Variants in PPP4R2 observed in about 807,000 individuals in gnomAD.
The protein encoded by PPP4R2 is serine/threonine-protein phosphatase 4 regulatory subunit 2.
Under a neutral mutation model 47.2 loss-of-function variants are expected in PPP4R2, and 13 were observed. The ratio of observed to expected loss-of-function variants is 0.28; its 90% CI spans 0.18 to 0.44. PPP4R2 has a LOEUF of 0.44. PPP4R2 is among the 20% of genes least tolerant of loss of function. PPP4R2 has a pLI of 1.00. For missense variants in PPP4R2, 421 were observed against 491.2 expected (o/e 0.86, Z 1.35); for synonymous variants, 151 against 163.3 (o/e 0.92, Z 0.57).
chr3:73,061,566 GTT>G (rs200561907), intron 5 of PPP4R2: 2,052 of 159,286 alleles, frequency 0.013, 19 homozygotes, highest in South Asian at 0.025. Flanking sequence ...ATTATAAGAG[GTT>G]TAGCACTGTC....
chr3:73,064,827 T>TG (rs1410673427), intron 7 of PPP4R2, 25 bp from the exon 8 acceptor site: 2 of 1,548,632 alleles, frequency 1.3e-6, no homozygotes, highest in Non-Finnish European at 1.7e-6. Flanking sequence ...ATCTTATTAA[T>TG]GACACTTTAA....
At chr3:73,053,591 A>C (rs556947486) in intron 3 of PPP4R2, among the ~76,000 whole-genome samples, 2 of 152,224 alleles carry the variant, frequency 1.3e-5, no homozygotes, top group South Asian at 4.1e-4. Flanking sequence ...TACTTACATC[A>C]TTGGGGTTCC....
intron 2 of PPP4R2, among the ~76,000 whole-genome samples, chr3:73,004,871 T>TTTGAGTCGGAGTCG (rs1701564898): frequency 1.3e-4 from 6 of 46,432 alleles, no homozygotes; most frequent in African/African-American, 3.4e-4. Flanking sequence ...GTGTGTGTGT[T>TTTGAGTCGGAGTCG]TGTTTGTTTG....
intron 3 of PPP4R2, among the ~76,000 whole-genome samples, chr3:73,052,182 T>A (rs1702628090): frequency 1.3e-5 from 2 of 151,664 alleles, no homozygotes; most frequent in African/African-American, 4.8e-5. Context: ...AAAAGTATAT[T>A]TATATCTATT....
At chr3:73,028,076 G>T (rs1702101117) in intron 2 of PPP4R2, among the ~76,000 whole-genome samples, 1 of 151,446 alleles carries the variant, frequency 6.6e-6, no homozygotes, top group Non-Finnish European at 1.5e-5. Flanking sequence ...GGCCAACATG[G>T]TGAAACCTCA....
At chr3:73,054,192 A>G (rs965884306) in intron 3 of PPP4R2, among the ~76,000 whole-genome samples, 1 of 152,208 alleles carries the variant, frequency 6.6e-6, no homozygotes, top group African/African-American at 2.4e-5. Context: ...TGCTGGGATT[A>G]CAGGCGTGAG....
At chr3:73,010,297 A>G (rs1332545134) in intron 2 of PPP4R2, among the ~76,000 whole-genome samples, 1 of 152,052 alleles carries the variant, frequency 6.6e-6, no homozygotes, top group Non-Finnish European at 1.5e-5. Flanking sequence ...ATCATGGCCC[A>G]CTGCAGCCTT....
intron 2 of PPP4R2, among the ~76,000 whole-genome samples, chr3:73,036,193 A>C (rs1012556124): frequency 1.3e-5 from 2 of 152,208 alleles, no homozygotes; most frequent in African/African-American, 2.4e-5. Flanking sequence ...GGAGCTAAAA[A>C]AGTTGATCTT....
rs995371025 is a variant in PPP4R2, at chr3:73,057,357, C to G, written c.288-1680C>G. 2.6e-5 allele frequency among the ~76,000 whole-genome samples: 4 copies of G among 152,152 alleles called. No individual in the cohort carries two copies. The South Asian group carries it at 6.2e-4, about 24-fold the overall frequency. On this transcript the variant is annotated intron_variant, in intron 3 of 8. Coordinates refer to ENST00000356692, the MANE Select transcript of PPP4R2 (RefSeq NM_174907.4). The stretch of plus-strand genomic sequence containing the variant: ...CGCTGTTGGTGTGCTTTGTACTTCC[C>G]CATTTAAAAGGATTCTTCATTTTGA...
intron 2 of PPP4R2, among the ~76,000 whole-genome samples, chr3:73,000,814 A>G (rs1326358387): frequency 6.6e-6 from 1 of 152,252 alleles, no homozygotes; most frequent in Non-Finnish European, 1.5e-5. Flanking sequence ...CATGCTAAAT[A>G]TATAGTATGC....
chr3:73,060,495 A>G (rs922930160), intron 4 of PPP4R2, among the ~76,000 whole-genome samples: 3 of 152,300 alleles, frequency 2.0e-5, no homozygotes, highest in Admixed American at 6.5e-5. Context: ...ATTAAATGCA[A>G]AACACTTACT....
intron 2 of PPP4R2, among the ~76,000 whole-genome samples, chr3:72,999,779 T>G (rs1701422015): frequency 6.6e-6 from 1 of 152,256 alleles, no homozygotes; most frequent in South Asian, 2.1e-4. Context: ...TCGGTGTTTA[T>G]GTATTCACTA....
At position 73,061,078 on chromosome 3, in the gene PPP4R2, A is replaced by G. The variant is rs577979361; in HGVS notation, c.419+18A>G. 1.2e-5 allele frequency: 16 copies of G among 1,281,292 alleles called. No individual in the cohort carries two copies. In the African/African-American group the frequency reaches 2.0e-4, roughly 16 times the overall value. The allele number at this position is 1,281,292 out of a possible 1,614,324, so 79.4% of individuals were successfully genotyped here. ...TCTTCAGAGTAAGTATATTTTTTCT[A>G]TTTCTAGTATATTATTTACTATATT... On this transcript the variant is annotated intron_variant, in intron 5 of 8. Coordinates refer to ENST00000356692, the MANE Select transcript of PPP4R2 (RefSeq NM_174907.4).
At chr3:73,016,378 G>T (rs1404289530) in intron 2 of PPP4R2, among the ~76,000 whole-genome samples, 27 of 152,120 alleles carry the variant, frequency 1.8e-4, no homozygotes, top group Non-Finnish European at 1.5e-5. Flanking sequence ...GCATCTAGTG[G>T]GGTAGAGGGC....
intron 2 of PPP4R2, among the ~76,000 whole-genome samples, chr3:73,017,672 A>T (rs1701869696): frequency 6.6e-6 from 1 of 152,138 alleles, no homozygotes; most frequent in Non-Finnish European, 1.5e-5. Flanking sequence ...AACTCTTGAC[A>T]AAGTTGGAAG....
intron 2 of PPP4R2, among the ~76,000 whole-genome samples, chr3:73,002,502 C>T (rs1209153495): frequency 6.6e-6 from 1 of 152,006 alleles, no homozygotes; most frequent in Non-Finnish European, 1.5e-5. Context: ...AAGCAATCCT[C>T]CCAGAGTGCA....
In PPP4R2 at chr3:73,068,495, A is replaced by G. The variant is rs896224846; in HGVS notation, c.*2773A>G. ...ATGTAGCAGAAGTAGTGAAAATGTC[A>G]TATTTTAAATGTTGATTATTAGATA... On this transcript the variant is annotated 3_prime_UTR_variant, in exon 9 of 9. Transcript: ENST00000356692. 5.3e-5 allele frequency: 8 copies of G among 152,312 alleles called. No homozygotes were observed. The highest frequency in any genetic ancestry group is 1.9e-4 in the African/African-American group (8 of 41,574). 9.4% of individuals were successfully genotyped at this position (152,312 alleles called of 1,614,324 possible).
At chr3:72,999,284 G>T (rs1217903065) in intron 2 of PPP4R2, among the ~76,000 whole-genome samples, 1 of 152,106 alleles carries the variant, frequency 6.6e-6, no homozygotes, top group Non-Finnish European at 1.5e-5. Context: ...TCGCATTAGG[G>T]TTTCATATAG....
chr3:73,010,943 A>G (rs370880953), intron 2 of PPP4R2, among the ~76,000 whole-genome samples: 59 of 152,308 alleles, frequency 3.9e-4, no homozygotes, highest in African/African-American at 1.3e-3. Context: ...TACAACTACT[A>G]TCTGAAGTAG....
Sources: gnomAD v4.1 joint callset for allele counts (sites outside exome capture counted in the v4.1 genomes callset) on GRCh38, gnomAD v4.1.1 for gene constraint, MANE v1.5 for transcripts, NCBI Gene and HGNC (gene_info 2026-07-23, HGNC 2026-07-21) for gene names.